Variants in ACKR4 observed in about 807,000 individuals in gnomAD.
The protein encoded by ACKR4 is C-C CKR-11.
A neutral mutation model predicts 8.5 loss-of-function variants in ACKR4; 2 were observed. The observed-to-expected ratio is 0.23, with a 90% CI of 0.10 to 0.74. The LOEUF is 0.74. ACKR4 is among the 30% of genes least tolerant of loss of function. The pLI is 0.75. For synonymous variants in ACKR4, 67 were observed against 145.0 expected, an observed-to-expected ratio of 0.46 and a Z score of 3.86; for missense variants, 167 against 422.1, an observed-to-expected ratio of 0.40 and a Z score of 5.30.
rs528872520 is a variant in ACKR4 at position 132,602,072 on chromosome 3, G to A, written c.*622G>A. ...ATTATCTAAGTTTTAATACAAGAAC[G>A]ATTTCCCTGCATAATTTTAGTACTT... On this transcript the variant is annotated 3_prime_UTR_variant, in exon 2 of 2. Transcript: ENST00000249887. The A allele has an allele frequency of 6.0e-6, 1 of 166,134 alleles. No individual in the cohort carries two copies. Among genetic ancestry groups the A allele is most frequent in the Non-Finnish European group, 1.5e-5 (1 of 67,952 alleles). 10.3% of individuals were successfully genotyped at this position (166,134 alleles called of 1,614,324 possible). A position where few individuals can be genotyped will look rare whatever the true frequency, so the allele number is the denominator to read the frequency against.
At chr3:132,600,149 T>C (rs1445516012) in intron 1 of ACKR4, among the ~76,000 whole-genome samples, 1 of 152,200 alleles carries the variant, frequency 6.6e-6, no homozygotes. Context: ...ATGTTTATTG[T>C]CCTGTTCAAA....
At chr3:132,598,647 C>A (rs1056611073) in intron 1 of ACKR4, among the ~76,000 whole-genome samples, 2 of 152,130 alleles carry the variant, frequency 1.3e-5, no homozygotes, top group African/African-American at 4.8e-5. Context: ...GGAATTGGCC[C>A]TTCCAGGGAA....
chr3:132,597,359 A>G lies in ACKR4; in HGVS notation c.-10+36A>G, dbSNP rs577419842. On this transcript the variant is annotated intron_variant, in intron 1 of 1. Coordinates refer to ENST00000249887, the MANE Select transcript of ACKR4 (RefSeq NM_016557.4). ...TATTTCTTTTCTTATTCTGACTTGAATATTTTTTTAAGCCCAAAGATCTTG... is the reference window on the plus strand; with the variant it reads ...TATTTCTTTTCTTATTCTGACTTGAGTATTTTTTTAAGCCCAAAGATCTTG... 15 of 152,136 alleles carry G rather than the reference A, an allele frequency of 9.9e-5. No homozygotes were observed. The East Asian group carries it at 2.9e-3, about 29-fold the overall frequency. 9.4% of individuals were successfully genotyped at this position (152,136 alleles called of 1,614,324 possible).
At position 132,598,706 on chromosome 3, in the gene ACKR4, A is replaced by G. The variant is rs140227134; in HGVS notation, c.-10+1383A>G. 5.3e-5 allele frequency among the ~76,000 whole-genome samples: 8 copies of G among 152,340 alleles called. No homozygotes were observed. In the East Asian group the frequency reaches 1.5e-3, roughly 29 times the overall value. ...AAAGGAACAGAATGAGCAATGATGT[A>G]GACAGATGCTGCTGCATGGTGGGTG... On this transcript the variant is annotated intron_variant, in intron 1 of 1. Transcript: ENST00000249887.
At chr3:132,599,874 C>T (rs1466181786) in intron 1 of ACKR4, among the ~76,000 whole-genome samples, 1 of 151,922 alleles carries the variant, frequency 6.6e-6, no homozygotes, top group Non-Finnish European at 1.5e-5. Context: ...ATTTATTTAA[C>T]TTATTTAAAT....
chr3:132,601,990 CATCTAAAACAG>C lies in ACKR4; in HGVS notation c.*543_*553del, dbSNP rs2107823276. On this transcript the variant is annotated 3_prime_UTR_variant, in exon 2 of 2. Transcript: ENST00000249887. ...AAACCCACTATGCTATAAGTTAGGC[CATCTAAAACAG>C]ATTATTAAAGAGGTTCATGTTAAAA... The C allele has an allele frequency of 5.9e-6, 1 of 169,834 alleles. No individual in the cohort carries two copies. The highest frequency in any genetic ancestry group is 1.9e-4 in the South Asian group (1 of 5,156). 10.5% of individuals were successfully genotyped at this position (169,834 alleles called of 1,614,324 possible).
In ACKR4 at chr3:132,600,981, C is replaced by G; in HGVS notation, c.584C>G (p.Ser195Ter). 6.2e-7 allele frequency: 1 copy of G among 1,613,106 alleles called. No homozygotes were observed. The highest frequency in any genetic ancestry group is 1.1e-5 in the South Asian group (1 of 90,954). ...ATTTTCCCCCGCTACCTAGGAACAT[C>G]AATGAAAGCATTGATTCAAATGCTA... ...IPIFPRYLGTSMKALIQMLEI... is the reference protein window; with the variant it reads ...IPIFPRYLGT Residue 195 changes from serine (S) to a stop codon, truncating the protein, a stop_gained, in exon 2 of 2, where the codon TCA (serine) becomes TGA (stop). Transcript: ENST00000249887. LOFTEE classifies it high-confidence loss of function.
At chr3:132,597,378 G>C (rs1938361485) in intron 1 of ACKR4, 55 bp downstream of exon 1, 1 of 149,698 alleles carries the variant, frequency 6.7e-6, no homozygotes, top group South Asian at 2.1e-4. Context: ...TAAGCCCAAA[G>C]ATCTTGTATA....
intron 1 of ACKR4, among the ~76,000 whole-genome samples, chr3:132,599,144 C>A (rs1313839455): frequency 2.0e-5 from 3 of 151,958 alleles, no homozygotes; most frequent in African/African-American, 7.3e-5. Flanking sequence ...AAAACCCCGT[C>A]TCTATCAAAA....
Position 132,600,397 on chromosome 3 carries a change from C to T in ACKR4, c.-1C>T. The stretch of plus-strand genomic sequence containing the variant: ...TTCTCTTTGCCATCTAGATTGGAGC[C>T]ATGGCTTTGGAACAGAACCAGTCAA... On this transcript the variant is annotated 5_prime_UTR_variant, in exon 2 of 2. Coordinates refer to ENST00000249887, the MANE Select transcript of ACKR4 (RefSeq NM_016557.4). The T allele has an allele frequency of 6.3e-7, 1 of 1,578,348 alleles. No homozygotes were observed. The highest frequency in any genetic ancestry group is 8.6e-7 in the Non-Finnish European group (1 of 1,163,094).
chr3:132,598,057 A>G (rs1438128589), intron 1 of ACKR4, among the ~76,000 whole-genome samples: 3 of 152,220 alleles, frequency 2.0e-5, no homozygotes, highest in Admixed American at 6.5e-5. Flanking sequence ...GTTAGCAAAC[A>G]TAAGAACATT....
rs371085640 is a variant in ACKR4 at position 132,597,366 on chromosome 3, T to C, written c.-10+43T>C. Reference sequence around the variant, plus strand: ...TTTCTTATTCTGACTTGAATATTTTTTTAAGCCCAAAGATCTTGTATATTT... The same window carrying C: ...TTTCTTATTCTGACTTGAATATTTTCTTAAGCCCAAAGATCTTGTATATTT... On this transcript the variant is annotated intron_variant, in intron 1 of 1. Coordinates refer to ENST00000249887, the MANE Select transcript of ACKR4 (RefSeq NM_016557.4). 3.3e-5 allele frequency: 5 copies of C among 152,236 alleles called. No individual in the cohort carries two copies. In the East Asian group the frequency reaches 5.8e-4, roughly 18 times the overall value. The allele number at this position is 152,236 out of a possible 1,614,324, so 9.4% of individuals were successfully genotyped here. A position where few individuals can be genotyped will look rare whatever the true frequency, so the allele number is the denominator to read the frequency against.
intron 1 of ACKR4, among the ~76,000 whole-genome samples, chr3:132,599,298 G>C (rs1938463022): frequency 1.3e-5 from 2 of 152,106 alleles, no homozygotes; most frequent in Admixed American, 6.5e-5. Flanking sequence ...ACGAGGTCAG[G>C]AGTGCGAGAA....
chr3:132,601,291 C>T lies in ACKR4; in HGVS notation c.894C>T (p.Leu298=). 1 of 1,613,936 alleles carries T rather than the reference C, an allele frequency of 6.2e-7. No homozygotes were observed. Among genetic ancestry groups the T allele is most frequent in the Non-Finnish European group, 8.5e-7 (1 of 1,179,856 alleles). Residue 298 remains leucine (L), a synonymous_variant, in exon 2 of 2, where the codon CTC becomes CTT. Transcript: ENST00000249887. ...TESIALFHSC[L]NPILYVFMGA... is the part of the protein sequence containing the mutation. ...GCATCGCACTCTTTCACAGCTGCCT[C>T]AACCCAATCCTTTATGTTTTTATGG...
intron 1 of ACKR4, among the ~76,000 whole-genome samples, chr3:132,597,708 C>G (rs1023215845): frequency 6.6e-6 from 1 of 151,708 alleles, no homozygotes; most frequent in Non-Finnish European, 1.5e-5. Flanking sequence ...AATTCCATTT[C>G]TACTCTTTTT....
At chr3:132,600,288 CA>C (rs1285683477) in intron 1 of ACKR4, 100 bp from the exon 2 acceptor site, 2 of 988,616 alleles carry the variant, frequency 2.0e-6, no homozygotes, top group Non-Finnish European at 2.9e-6. Context: ...GTTACAGCAA[CA>C]GGCTATACTC....
In ACKR4 at chr3:132,601,725, T is replaced by C. The variant is rs1454953429; in HGVS notation, c.*275T>C. 5 of 432,918 alleles carry C rather than the reference T, an allele frequency of 1.2e-5. No homozygotes were observed. The highest frequency in any genetic ancestry group is 2.0e-5 in the African/African-American group (1 of 49,178). The allele number at this position is 432,918 out of a possible 1,614,324, so 26.8% of individuals were successfully genotyped here. On this transcript the variant is annotated 3_prime_UTR_variant, in exon 2 of 2. Coordinates refer to ENST00000249887, the MANE Select transcript of ACKR4 (RefSeq NM_016557.4). ...GCTGTAACGAAGAAGAGCTTTGTGG[T>C]GATAATTTTGTATCTTGGTTGCAGT...
At position 132,601,191 on chromosome 3, in the gene ACKR4, T is replaced by C. The variant is rs145975679; in HGVS notation, c.794T>C (p.Ile265Thr). The C allele has an allele frequency of 3.3e-3, 5,250 of 1,613,300 alleles. 6 individuals are homozygous for C. Among genetic ancestry groups the C allele is most frequent in the Non-Finnish European group, 3.8e-3 (4,434 of 1,179,528 alleles). ...AACATTGTCAAGTTCTGCCGAGCCA[T>C]AGACATCATCTACTCCCTGATCACC... The part of the protein sequence containing the change: ...PYNIVKFCRA[I>T]DIIYSLITSC... Residue 265 changes from isoleucine to threonine, a missense_variant, in exon 2 of 2, where the codon ATA becomes ACA. By Grantham distance (89) the Ile-to-Thr change is moderately conservative. Coordinates refer to ENST00000249887, the MANE Select transcript of ACKR4 (RefSeq NM_016557.4).
rs1938611525 is a variant in ACKR4, at chr3:132,601,722, T to C, written c.*272T>C. ...TCTGCTGTAACGAAGAAGAGCTTTGTGGTGATAATTTTGTATCTTGGTTGC... is the reference window on the plus strand; with the variant it reads ...TCTGCTGTAACGAAGAAGAGCTTTGCGGTGATAATTTTGTATCTTGGTTGC... On this transcript the variant is annotated 3_prime_UTR_variant, in exon 2 of 2. Coordinates refer to ENST00000249887, the MANE Select transcript of ACKR4 (RefSeq NM_016557.4). The C allele has an allele frequency of 2.3e-6, 1 of 437,784 alleles. No individual in the cohort carries two copies. Among genetic ancestry groups the C allele is most frequent in the Non-Finnish European group, 4.4e-6 (1 of 226,242 alleles). 27.1% of individuals were successfully genotyped at this position (437,784 alleles called of 1,614,324 possible).
Sources: gnomAD v4.1 joint callset for allele counts (sites outside exome capture counted in the v4.1 genomes callset) on GRCh38, gnomAD v4.1.1 for gene constraint, MANE v1.5 for transcripts, NCBI Gene and HGNC (gene_info 2026-07-23, HGNC 2026-07-21) for gene names.